The following SPATA6L variants were observed in gnomAD, a reference collection of about 807,000 sequenced individuals.
SPATA6L encodes the protein spermatogenesis associated 6 like, also known as spermatogenesis associated 6-like protein.
In SPATA6L, 68 loss-of-function variants were observed where a neutral mutation model predicts 49.2. That is an observed-to-expected ratio of 1.38 (90% CI 1.14 to 1.69). The LOEUF is 1.69. Ranked by LOEUF, SPATA6L falls within the 40% of genes most tolerant of loss-of-function variation. SPATA6L has a pLI of 0.00. For missense variants in SPATA6L, 668 were observed against 464.3 expected, an observed-to-expected ratio of 1.44 and a Z score of -4.03; for synonymous variants, 198 against 165.7, an observed-to-expected ratio of 1.19 and a Z score of -1.50.
rs1216273455 is a variant in SPATA6L, at chr9:4,637,208, C to T, written c.227-1809G>A. On this transcript the variant is annotated intron_variant, in intron 3 of 11. Transcript: ENST00000682582. ...TGCTGTCCCTCAAACACGCCAAGCT[C>T]TCCTCCACATAACGGTTTTGCCTTA... 2.6e-5 allele frequency among the ~76,000 whole-genome samples: 4 copies of T among 152,148 alleles called. No homozygotes were observed. The East Asian group carries it at 5.8e-4, about 22-fold the overall frequency.
intron 9 of SPATA6L, among the ~76,000 whole-genome samples, chr9:4,613,832 C>T (rs1325175176): frequency 2.0e-5 from 3 of 152,176 alleles, no homozygotes; most frequent in Non-Finnish European, 4.4e-5. Flanking sequence ...GATCCACCCA[C>T]CTCGCTTCCC....
At chr9:4,656,179 C>A (rs1027117711) in intron 2 of SPATA6L, 90 bp from the exon 3 acceptor site, 50 of 1,087,238 alleles carry the variant, frequency 4.6e-5, no homozygotes, top group Non-Finnish European at 6.1e-5. Context: ...TAGCTCACAC[C>A]TGTAATCCTA....
intron 9 of SPATA6L, among the ~76,000 whole-genome samples, chr9:4,614,816 C>T (rs958014140): frequency 1.3e-5 from 2 of 152,134 alleles, no homozygotes; most frequent in Non-Finnish European, 1.5e-5. Flanking sequence ...CCCAAGTTAC[C>T]AGTTTAGAGA....
At chr9:4,626,422 C>A (rs1299983044) in intron 5 of SPATA6L, 2 of 1,303,884 alleles carry the variant, frequency 1.5e-6, no homozygotes, top group East Asian at 5.5e-5. Context: ...CATCCAAGTC[C>A]CACCTTCGAA....
At chr9:4,658,179 G>C (rs1037907000) in intron 2 of SPATA6L, among the ~76,000 whole-genome samples, 5 of 152,170 alleles carry the variant, frequency 3.3e-5, no homozygotes, top group African/African-American at 9.7e-5. Context: ...CACTCTATTT[G>C]TGGTACTTTT....
intron 3 of SPATA6L, among the ~76,000 whole-genome samples, chr9:4,651,172 G>A (rs980241120): frequency 4.0e-5 from 6 of 151,640 alleles, no homozygotes; most frequent in East Asian, 3.9e-4. Context: ...CCCACTAATT[G>A]TTGTTGTTGT....
intron 5 of SPATA6L, chr9:4,627,571 A>T (rs1830583219): frequency 2.5e-6 from 1 of 396,188 alleles, no homozygotes; most frequent in South Asian, 2.1e-5. Flanking sequence ...GAAGCTTCAC[A>T]AACTACCTTT....
chr9:4,606,760 G>GCGCC (rs2130162365), intron 9 of SPATA6L, among the ~76,000 whole-genome samples: 1 of 147,756 alleles, frequency 6.8e-6, no homozygotes. Context: ...AAGGAATGCA[G>GCGCC]TTCCTCACCA....
intron 2 of SPATA6L, among the ~76,000 whole-genome samples, chr9:4,659,399 G>C (rs891466168): frequency 2.6e-4 from 39 of 151,638 alleles, no homozygotes; most frequent in Admixed American, 3.9e-4. Context: ...AACAGAGAGC[G>C]AAATCATGAG....
intron 2 of SPATA6L, among the ~76,000 whole-genome samples, chr9:4,659,447 T>C (rs1245462571): frequency 6.6e-6 from 1 of 150,904 alleles, no homozygotes; most frequent in Non-Finnish European, 1.5e-5. Flanking sequence ...GAGAATAAAA[T>C]ATCTAGGAAT....
chr9:4,595,704 C>T (rs1822203870), downstream of SPATA6L, among the ~76,000 whole-genome samples: 1 of 152,220 alleles, frequency 6.6e-6, no homozygotes, highest in African/African-American at 2.4e-5. Flanking sequence ...CAATACCCCA[C>T]TGTTTCTAAC....
chr9:4,663,219 C>A (rs1178330822), intron 1 of SPATA6L: 1 of 1,614,128 alleles, frequency 6.2e-7, no homozygotes, highest in South Asian at 1.1e-5. Context: ...CTGGCTCTCA[C>A]CCCATAATGC....
chr9:4,629,769 G>GTGTGTATATA (rs1311805859), intron 4 of SPATA6L, among the ~76,000 whole-genome samples: 82 of 101,920 alleles, frequency 8.0e-4, no homozygotes, highest in African/African-American at 3.9e-3. Context: ...GTGTGTGTGT[G>GTGTGTATATA]TATATATATA....
intron 3 of SPATA6L, among the ~76,000 whole-genome samples, chr9:4,641,162 A>G (rs1436923418): frequency 1.3e-5 from 2 of 150,244 alleles, no homozygotes; most frequent in East Asian, 3.9e-4. Flanking sequence ...CCAGAAAACC[A>G]ACATTTAGTA....
chr9:4,599,937 A>G lies in SPATA6L; in HGVS notation c.*874T>C, dbSNP rs144680782. ...GCCCCTCTTCTCTGGGTCTGTATCA[A>G]TGAAGACAAATGTGCCTCTAGTCTC... is the stretch of plus-strand genomic sequence containing the variant. On this transcript the variant is annotated 3_prime_UTR_variant, in exon 12 of 12. Transcript: ENST00000682582. 5.9e-3 allele frequency among the ~76,000 whole-genome samples: 906 copies of G among 152,296 alleles called. 14 individuals carry two copies. The highest frequency in any genetic ancestry group is 0.021 in the African/African-American group (867 of 41,536).
intron 3 of SPATA6L, among the ~76,000 whole-genome samples, chr9:4,641,398 A>G (rs1335642078): frequency 6.6e-6 from 1 of 152,218 alleles, no homozygotes; most frequent in African/African-American, 2.4e-5. Flanking sequence ...GCATAATAAT[A>G]AAACATTAAA....
intron 13 of SPATA6L, among the ~76,000 whole-genome samples, chr9:4,591,222 G>A (rs746503396): frequency 6.6e-6 from 1 of 152,150 alleles, no homozygotes; most frequent in African/African-American, 2.4e-5. Context: ...AGAGCTCAAG[G>A]CATGTACATT....
intron 9 of SPATA6L, among the ~76,000 whole-genome samples, chr9:4,612,905 T>TA (rs1827112629): frequency 6.6e-6 from 1 of 152,040 alleles, no homozygotes; most frequent in Non-Finnish European, 1.5e-5. Flanking sequence ...AAGGCACAGA[T>TA]ACAGTTTTCT....
intron 9 of SPATA6L, among the ~76,000 whole-genome samples, chr9:4,616,865 A>G (rs781362938): frequency 6.6e-6 from 1 of 152,216 alleles, no homozygotes; most frequent in Non-Finnish European, 1.5e-5. Flanking sequence ...GATTATAGGC[A>G]TGAGCCACCG....
Sources: gnomAD v4.1 joint callset for allele counts (sites outside exome capture counted in the v4.1 genomes callset) on GRCh38, gnomAD v4.1.1 for gene constraint, MANE v1.5 for transcripts, NCBI Gene and HGNC (gene_info 2026-07-23, HGNC 2026-07-21) for gene names.